Variants in ITSN1 observed in about 807,000 individuals in gnomAD.
ITSN1 encodes intersectin 1.
In ITSN1, 58 loss-of-function variants were observed where a neutral mutation model predicts 239.8. The observed-to-expected ratio is 0.24, with a 90% confidence interval of 0.20 to 0.30. The LOEUF (loss-of-function observed/expected upper bound fraction) is 0.30, where lower values mean the gene tolerates loss of function less well. ITSN1 is among the 10% of genes least tolerant of loss of function. The probability of loss-of-function intolerance (pLI) is 1.00; values close to 1 mark genes in which losing one functional copy is unlikely to be tolerated. For missense variants in ITSN1, 1,558 were observed against 2,103.3 expected, an observed-to-expected ratio of 0.74 and a Z score of 5.07; for synonymous variants, 780 against 770.8, an observed-to-expected ratio of 1.01 and a Z score of -0.20.
At chr21:33,724,165 T>A (rs1421047298) in intron 4 of ITSN1, among the ~76,000 whole-genome samples, 2 of 152,084 alleles carry the variant, frequency 1.3e-5, no homozygotes, top group East Asian at 3.9e-4. Context: ...TCTCTGTGCT[T>A]TTTTTGGGTA....
At chr21:33,817,842 G>A (rs1042256470) in intron 22 of ITSN1, 6 of 340,126 alleles carry the variant, frequency 1.8e-5, no homozygotes, top group Non-Finnish European at 3.2e-5. Flanking sequence ...GCCAGTTAAT[G>A]ATCTCATGAT....
Position 33,874,178 on chromosome 21 carries a change from A to AAAAG in ITSN1, c.4174-1176_4174-1175insAAAG, listed in dbSNP as rs750088086. Among the ~76,000 whole-genome samples, 76 of 130,804 alleles carry AAAAG rather than the reference A, an allele frequency of 5.8e-4. 5 individuals are homozygous for AAAAG. Among genetic ancestry groups the AAAAG allele is most frequent in the East Asian group, 7.1e-4 (3 of 4,206 alleles). 85.8% of individuals were successfully genotyped at this position (130,804 alleles called of 152,430 possible). A position where few individuals can be genotyped will look rare whatever the true frequency, so the allele number is the denominator to read the frequency against. On this transcript the variant is annotated intron_variant, in intron 33 of 39. Transcript: ENST00000381318. ...TCTCAAAAAAAAAAAAAAAAAAAAA[A>AAAAG]GAACATTTATATAACCAACCCAAAT... is the stretch of plus-strand genomic sequence containing the variant.
intron 4 of ITSN1, among the ~76,000 whole-genome samples, chr21:33,734,701 T>C (rs1305665545): frequency 6.6e-6 from 1 of 152,196 alleles, no homozygotes; most frequent in African/African-American, 2.4e-5. Context: ...ATTCATTGGT[T>C]TTAGTTTATT....
At chr21:33,801,129 C>T (rs2071974195) in intron 19 of ITSN1, among the ~76,000 whole-genome samples, 2 of 152,096 alleles carry the variant, frequency 1.3e-5, no homozygotes, top group Admixed American at 6.6e-5. Context: ...AGGTCAGCCT[C>T]CCAAAGTGCT....
intron 31 of ITSN1, among the ~76,000 whole-genome samples, chr21:33,864,367 A>G (rs1479447728): frequency 6.6e-6 from 1 of 152,190 alleles, no homozygotes; most frequent in Non-Finnish European, 1.5e-5. Context: ...GCTCAGTGCC[A>G]TGCCCTTCTT....
intron 24 of ITSN1, among the ~76,000 whole-genome samples, chr21:33,821,199 A>C (rs2834267): frequency 0.63 from 95,737 of 152,010 alleles, 31,013 homozygotes; most frequent in East Asian, 0.99. Context: ...TGTACTGAGG[A>C]CTCAATAAAT....
At chr21:33,833,360 G>GTGTTCTGTGTGTCCTTT (rs1384521078) in intron 27 of ITSN1, among the ~76,000 whole-genome samples, 1 of 152,176 alleles carries the variant, frequency 6.6e-6, no homozygotes, top group Non-Finnish European at 1.5e-5. Flanking sequence ...GAGTCTCCTT[G>GTGTTCTGTGTGTCCTTT]TGTTCTGTGT....
Position 33,823,552 on chromosome 21 carries a change from G to A in ITSN1, c.3082G>A (p.Val1028Met), listed in dbSNP as rs935811731. 1 of 1,614,158 alleles carries A rather than the reference G, an allele frequency of 6.2e-7. No individual in the cohort carries two copies. Among genetic ancestry groups the A allele is most frequent in the Non-Finnish European group, 8.5e-7 (1 of 1,179,984 alleles). ...QGDLTFQQGDVILVTKKDGDW... is the reference protein window; with the variant it reads ...QGDLTFQQGDMILVTKKDGDW... ...AGATTTAACCTTTCAGCAAGGGGAT[G>A]TGATTTTGGTTACCAAGAAAGATGG... The change falls in exon 25 of 40, where the codon GTG becomes ATG. Residue 1028 changes from valine to methionine, a missense_variant. By Grantham distance (21) the Val-to-Met change is conservative (BLOSUM62 1). Transcript: ENST00000381318.
In ITSN1 at chr21:33,882,435, C is replaced by G; in HGVS notation, c.4534C>G (p.Gln1512Glu). Reference sequence around the variant, plus strand: ...AGTCTTCAGCCCCAAATCAAACCTGCAGTATAAAATGTATAAAACAGTAAG... The same window carrying G: ...AGTCTTCAGCCCCAAATCAAACCTGGAGTATAAAATGTATAAAACAGTAAG... Reference protein sequence around the residue: ...DKVFSPKSNLQYKMYKTPIFL... With the variant: ...DKVFSPKSNLEYKMYKTPIFL... The change falls in exon 35 of 40, where the codon CAG becomes GAG. Residue 1512 changes from glutamine (Q) to glutamate (E), a missense_variant. Gln to Glu is a conservative substitution (Grantham distance 29, BLOSUM62 2). Coordinates refer to ENST00000381318, the MANE Select transcript of ITSN1 (RefSeq NM_003024.3). The surrounding 1 kb of genome is among the most constrained non-coding windows in gnomAD (Gnocchi z 4.5). The G allele has an allele frequency of 6.2e-7, 1 of 1,613,920 alleles. No homozygotes were observed. Among genetic ancestry groups the G allele is most frequent in the Non-Finnish European group, 8.5e-7 (1 of 1,179,906 alleles).
chr21:33,760,370 TTGAG>T (rs2068225714), intron 8 of ITSN1, among the ~76,000 whole-genome samples: 1 of 152,290 alleles, frequency 6.6e-6, no homozygotes, highest in South Asian at 2.1e-4. Flanking sequence ...TCCATAGTGT[TTGAG>T]TATTTTCACT....
In ITSN1 at chr21:33,883,643, A is replaced by G; in HGVS notation, c.4648A>G (p.Thr1550Ala). 1 of 1,613,534 alleles carries G rather than the reference A, an allele frequency of 6.2e-7. No homozygotes were observed. The highest frequency in any genetic ancestry group is 8.5e-7 in the Non-Finnish European group (1 of 1,179,668). The change falls in exon 36 of 40, where the codon ACT (threonine) becomes GCT (alanine). Residue 1550 changes from threonine (T) to alanine (A), a missense_variant. Thr to Ala is a moderately conservative substitution (Grantham distance 58, BLOSUM62 0). Around this residue, in one of 2 missense-constraint regions of ITSN1, gnomAD observed 576 missense variants for 893.3 expected, o/e 0.64. Coordinates refer to ENST00000381318, the MANE Select transcript of ITSN1 (RefSeq NM_003024.3). ...CATCTCCCACATTGACCGCGTCTAT[A>G]CTCTCCGAGCAGAAAGCATAAATGA... Reference protein sequence around the residue: ...FHISHIDRVYTLRAESINERT... With the variant: ...FHISHIDRVYALRAESINERT...
At chr21:33,694,849 C>T (rs927944555) in intron 1 of ITSN1, among the ~76,000 whole-genome samples, 6 of 152,122 alleles carry the variant, frequency 3.9e-5, no homozygotes, top group African/African-American at 1.4e-4. Flanking sequence ...CAGACAGGGT[C>T]TTTCACTCAG....
rs553875970 is a variant in ITSN1 at position 33,805,630 on chromosome 21, T to C, written c.2319+3186T>C. Among the ~76,000 whole-genome samples the C allele has an allele frequency of 4.6e-5, 7 of 152,256 alleles. No individual in the cohort carries two copies. The East Asian group carries it at 1.2e-3, about 25-fold the overall frequency. ...GAGTAGTTGCAACAGAGGTGAAATTTGCCAGCCTCCAGGTTGGAGCTTTAG... is the reference window on the plus strand; with the variant it reads ...GAGTAGTTGCAACAGAGGTGAAATTCGCCAGCCTCCAGGTTGGAGCTTTAG... On this transcript the variant is annotated intron_variant, in intron 20 of 39. Transcript: ENST00000381318.
At chr21:33,649,038 G>T (rs1338032350) in intron 1 of ITSN1, among the ~76,000 whole-genome samples, 1 of 152,208 alleles carries the variant, frequency 6.6e-6, no homozygotes, top group East Asian at 1.9e-4. Flanking sequence ...TGCTAGAGAA[G>T]ACTAGTGAAA....
In ITSN1 at chr21:33,765,992, A is replaced by T; in HGVS notation, c.906A>T (p.Glu302Asp). ...CACTGCCACCTGTCCTGCCTCCAGA[A>T]TACATTCCACCTTCTTTTAGGTAAG... ...GQPLPPVLPP[E>D]YIPPSFRRVR... Residue 302 changes from glutamate (E) to aspartate (D), a missense_variant, in exon 10 of 40, where the codon GAA becomes GAT. Transcript: ENST00000381318. 6.2e-7 allele frequency: 1 copy of T among 1,614,192 alleles called. No homozygotes were observed. The highest frequency in any genetic ancestry group is 8.5e-7 in the Non-Finnish European group (1 of 1,180,028).
chr21:33,723,801 T>C (rs887716195), intron 4 of ITSN1, among the ~76,000 whole-genome samples: 1 of 152,204 alleles, frequency 6.6e-6, no homozygotes, highest in African/African-American at 2.4e-5. Context: ...CAAGGACTTA[T>C]TGTGGCTCCT....
chr21:33,858,940 C>A (rs1466669892), intron 31 of ITSN1, 148 bp downstream of exon 31: 7 of 517,682 alleles, frequency 1.4e-5, no homozygotes, highest in Non-Finnish European at 2.1e-5. Context: ...TCACAAACAC[C>A]ATCACCCTTT....
chr21:33,707,684 C>A (rs1426836906), intron 1 of ITSN1, among the ~76,000 whole-genome samples: 1 of 152,132 alleles, frequency 6.6e-6, no homozygotes, highest in Non-Finnish European at 1.5e-5. Context: ...TTTCACTTAG[C>A]ATAATAATTT....
At chr21:33,699,906 G>T (rs920556916) in intron 1 of ITSN1, among the ~76,000 whole-genome samples, 17 of 151,846 alleles carry the variant, frequency 1.1e-4, no homozygotes, top group Non-Finnish European at 2.1e-4. Context: ...GGGATTGTAG[G>T]CATGTACCAC....
Sources: gnomAD v4.1 joint callset for allele counts (sites outside exome capture counted in the v4.1 genomes callset) on GRCh38, gnomAD v4.1.1 for gene constraint, gnomAD v4.1.1 regional missense constraint, Gnocchi (gnomAD v3.1) non-coding constraint, MANE v1.5 for transcripts, NCBI Gene and HGNC (gene_info 2026-07-23, HGNC 2026-07-21) for gene names.